The following ADAM32 variants were observed in gnomAD, a reference collection of about 807,000 sequenced individuals.
ADAM32 encodes the protein disintegrin and metalloproteinase domain-containing protein 32.
ADAM32 carries 89 observed loss-of-function variants against 114.9 expected under a neutral mutation model. That is an observed-to-expected ratio of 0.77 (90% CI 0.65 to 0.92). The LOEUF is 0.92. ADAM32 is among the 40% of genes least tolerant of loss of function. The pLI is 0.00. For synonymous variants in ADAM32, 285 were observed against 307.5 expected (o/e 0.93, Z 0.77); for missense variants, 870 against 932.8 (o/e 0.93, Z 0.88).
chr8:39,269,372 T>A (rs983084013), intron 19 of ADAM32, among the ~76,000 whole-genome samples: 2 of 152,390 alleles, frequency 1.3e-5, no homozygotes, highest in African/African-American at 4.8e-5. Flanking sequence ...TTTATACATT[T>A]TGTCTGTATT....
intron 19 of ADAM32, among the ~76,000 whole-genome samples, chr8:39,267,320 A>T (rs1812431103): frequency 6.6e-6 from 1 of 152,224 alleles, no homozygotes; most frequent in Non-Finnish European, 1.5e-5. Flanking sequence ...AGAATTTTAT[A>T]TAAATGAGAT....
chr8:39,265,293 GT>G (rs1418431982), intron 19 of ADAM32, among the ~76,000 whole-genome samples: 1 of 152,150 alleles, frequency 6.6e-6, no homozygotes, highest in East Asian at 1.9e-4. Flanking sequence ...TTTAAAGTTT[GT>G]TTTATCTTAA....
intron 11 of ADAM32, among the ~76,000 whole-genome samples, chr8:39,197,379 T>G (rs1171710567): frequency 1.3e-5 from 2 of 152,064 alleles, no homozygotes; most frequent in Non-Finnish European, 2.9e-5. Flanking sequence ...GGGTTTGGTT[T>G]TTTCTTGCTT....
At chr8:39,130,825 T>A (rs1198368601) in intron 2 of ADAM32, 1 of 455,134 alleles carries the variant, frequency 2.2e-6, no homozygotes, top group Non-Finnish European at 4.4e-6. Flanking sequence ...TGAAGAATAT[T>A]AATTATGCAC....
At chr8:39,140,239 CCTTGT>C (rs998172947) in intron 3 of ADAM32, among the ~76,000 whole-genome samples, 152 of 152,280 alleles carry the variant, frequency 1.0e-3, no homozygotes, top group African/African-American at 3.5e-3. Context: ...GAGAGGGCAT[CCTTGT>C]CTTGTGTGGG....
chr8:39,215,518 G>A (rs1808499643), intron 12 of ADAM32, among the ~76,000 whole-genome samples: 1 of 151,762 alleles, frequency 6.6e-6, no homozygotes, highest in Non-Finnish European at 1.5e-5. Flanking sequence ...TGATATAAGT[G>A]CGTAGAGCTA....
intron 21 of ADAM32, 130 bp from the exon 22 acceptor site, chr8:39,275,698 A>T: frequency 1.3e-6 from 1 of 788,216 alleles, no homozygotes. Flanking sequence ...TTTTGAAATT[A>T]TTCTTCAGTG....
chr8:39,262,690 CCTCT>C (rs964161664), intron 19 of ADAM32, among the ~76,000 whole-genome samples: 5 of 150,590 alleles, frequency 3.3e-5, no homozygotes, highest in African/African-American at 1.2e-4. Flanking sequence ...TCTTTCACTC[CCTCT>C]CTCTCCTTCT....
At chr8:39,244,186 T>C (rs1334698417) in intron 16 of ADAM32, among the ~76,000 whole-genome samples, 12 of 152,072 alleles carry the variant, frequency 7.9e-5, no homozygotes, top group Admixed American at 3.3e-4. Context: ...GAAATGACAA[T>C]ACTGTCAAAA....
intron 6 of ADAM32, among the ~76,000 whole-genome samples, chr8:39,152,329 A>C (rs963204185): frequency 6.6e-6 from 1 of 152,222 alleles, no homozygotes; most frequent in Non-Finnish European, 1.5e-5. Flanking sequence ...AAATTTTTAT[A>C]CCAAGTAACA....
At chr8:39,220,506 G>A (rs907912654) in intron 12 of ADAM32, among the ~76,000 whole-genome samples, 4 of 151,810 alleles carry the variant, frequency 2.6e-5, no homozygotes, top group Non-Finnish European at 4.4e-5. Context: ...TGCATCATTA[G>A]GTTGCTAATT....
intron 2 of ADAM32, 95 bp from the exon 3 acceptor site, chr8:39,136,562 T>A (rs1183461327): frequency 1.4e-6 from 1 of 738,068 alleles, no homozygotes; most frequent in Non-Finnish European, 2.2e-6. Flanking sequence ...TGAAGATGTT[T>A]TAAGCATTGT....
chr8:39,191,466 C>T (rs1314249110), intron 11 of ADAM32, among the ~76,000 whole-genome samples: 1 of 152,146 alleles, frequency 6.6e-6, no homozygotes, highest in Non-Finnish European at 1.5e-5. Flanking sequence ...GAGACGGTAT[C>T]TCATTGTAGT....
Position 39,211,184 on chromosome 8 carries a change from A to T in ADAM32, c.1093A>T (p.Arg365Trp). Residue 365 changes from arginine to tryptophan, a missense_variant, in exon 12 of 25, where the codon AGG (arginine) becomes TGG (tryptophan). Arg to Trp is a moderately radical substitution (Grantham distance 101, BLOSUM62 -3). Transcript: ENST00000379907. ...GVKTFSSCSL[R>W]SFQNFISNVG... ...GAAGACTTTTAGCAGTTGCAGTTTG[A>T]GGAGCTTTCAAAATTTCATTTCAAA... is the stretch of plus-strand genomic sequence containing the variant. 1 of 1,605,042 alleles carries T rather than the reference A, an allele frequency of 6.2e-7. No individual in the cohort carries two copies. Among genetic ancestry groups the T allele is most frequent in the Non-Finnish European group, 8.5e-7 (1 of 1,176,450 alleles).
chr8:39,149,674 T>C, intron 4 of ADAM32, 117 bp from the exon 5 acceptor site: 2 of 706,892 alleles, frequency 2.8e-6, no homozygotes, highest in Non-Finnish European at 4.6e-6. Flanking sequence ...CTTGTACTGA[T>C]ATAAATCACG....
In ADAM32 at chr8:39,205,023, G is replaced by T. The variant is rs544607644; in HGVS notation, c.1053-6121G>T. Among the ~76,000 whole-genome samples the T allele has an allele frequency of 1.2e-4, 19 of 152,356 alleles. No individual in the cohort carries two copies. In the South Asian group the frequency reaches 3.9e-3, roughly 32 times the overall value. On this transcript the variant is annotated intron_variant, in intron 11 of 24. Coordinates refer to ENST00000379907, the MANE Select transcript of ADAM32 (RefSeq NM_145004.7). ...AGAGGGGTACTTGGCCCTGTGAGGT[G>T]TCAGTCTGCCCCTACTCAGGGGTGC... is the stretch of plus-strand genomic sequence containing the variant.
intron 19 of ADAM32, among the ~76,000 whole-genome samples, chr8:39,262,947 A>T (rs1222782685): frequency 2.6e-5 from 4 of 151,998 alleles, no homozygotes; most frequent in Non-Finnish European, 4.4e-5. Context: ...GCCTCAAGTG[A>T]TCTGCCCACC....
At chr8:39,226,439 A>G (rs976773657) in intron 14 of ADAM32, among the ~76,000 whole-genome samples, 1 of 152,142 alleles carries the variant, frequency 6.6e-6, no homozygotes, top group Non-Finnish European at 1.5e-5. Context: ...ACCAAGCTCA[A>G]AATTCTTCAG....
At chr8:39,224,950 G>T (rs1809251115) in intron 14 of ADAM32, among the ~76,000 whole-genome samples, 2 of 152,130 alleles carry the variant, frequency 1.3e-5, no homozygotes, top group South Asian at 4.1e-4. Context: ...AACAAAGAAG[G>T]GAGGAAGCTA....
Sources: gnomAD v4.1 joint callset for allele counts (sites outside exome capture counted in the v4.1 genomes callset) on GRCh38, gnomAD v4.1.1 for gene constraint, MANE v1.5 for transcripts, NCBI Gene and HGNC (gene_info 2026-07-23, HGNC 2026-07-21) for gene names.